Variants in UNC79 observed in about 807,000 individuals in gnomAD.
The protein encoded by UNC79 is unc-79 subunit of NALCN channel complex.
In UNC79, 37 loss-of-function variants were observed where a neutral mutation model predicts 283.1. The ratio of observed to expected loss-of-function variants is 0.13; its 90% CI spans 0.10 to 0.17. The LOEUF is 0.17. Among genes scored for constraint, UNC79 ranks in the 10% least tolerant of loss-of-function variants. UNC79 has a pLI of 1.00. For missense variants in UNC79, 2,272 were observed against 3,211.1 expected (o/e 0.71, Z 7.07); for synonymous variants, 1,107 against 1,200.2 (o/e 0.92, Z 1.61).
At chr14:93,396,666 A>G (rs1314889935) in intron 1 of UNC79, among the ~76,000 whole-genome samples, 1 of 151,946 alleles carries the variant, frequency 6.6e-6, no homozygotes, top group East Asian at 1.9e-4. Flanking sequence ...CTATGTGGCT[A>G]TTGAAGTCTC....
chr14:93,597,510 G>T (rs947648445), exon 24 of UNC79: 1 of 1,613,516 alleles, frequency 6.2e-7, no homozygotes, highest in Admixed American at 1.7e-5. Flanking sequence ...CTGGTCTCCT[G>T]CTTGACACCA....
intron 1 of UNC79, among the ~76,000 whole-genome samples, chr14:93,340,929 T>G (rs1230938537): frequency 6.6e-6 from 1 of 152,166 alleles, no homozygotes; most frequent in African/African-American, 2.4e-5. Flanking sequence ...CAGGCTACAC[T>G]TAATCTAATA....
At chr14:93,428,189 G>A (rs2055772795), upstream of UNC79, among the ~76,000 whole-genome samples, 1 of 152,062 alleles carries the variant, frequency 6.6e-6, no homozygotes, top group South Asian at 2.1e-4. Context: ...GAGAAATGGA[G>A]GCCACTTATT....
At chr14:93,493,892 TATA>T (rs1472966514) in intron 5 of UNC79, among the ~76,000 whole-genome samples, 2,545 of 73,846 alleles carry the variant, frequency 0.034, 169 homozygotes, top group Non-Finnish European at 0.05. Flanking sequence ...TATATATATA[TATA>T]TATATATTTT....
At chr14:93,440,515 A>G (rs1216550498) in intron 1 of UNC79, among the ~76,000 whole-genome samples, 1 of 146,844 alleles carries the variant, frequency 6.8e-6, no homozygotes, top group South Asian at 2.1e-4. Context: ...TAGCTTTTTG[A>G]GTTGGCTGTT....
intron 1 of UNC79, among the ~76,000 whole-genome samples, chr14:93,404,505 T>TATATATATATATATATATATAA (rs2055183695): frequency 1.0e-5 from 1 of 97,464 alleles, no homozygotes; most frequent in African/African-American, 3.8e-5. Context: ...TATATATATA[T>TATATATATATATATATATATAA]ATATATATAA....
chr14:93,384,821 G>T (rs1426365198), intron 1 of UNC79, among the ~76,000 whole-genome samples: 1 of 152,188 alleles, frequency 6.6e-6, no homozygotes, highest in Non-Finnish European at 1.5e-5. Flanking sequence ...TGAGGTCTTA[G>T]ATTTAAGTCC....
At chr14:93,505,782 A>G (rs931147921) in intron 7 of UNC79, among the ~76,000 whole-genome samples, 3 of 147,500 alleles carry the variant, frequency 2.0e-5, no homozygotes, top group African/African-American at 5.0e-5. Context: ...TCATCACCCC[A>G]TCTTTGGCTT....
chr14:93,690,745 G>C lies in UNC79; in HGVS notation c.7272+442G>C. On this transcript the variant is annotated intron_variant, in intron 45 of 48. Transcript: ENST00000555664. The surrounding 1 kb of genome is among the most constrained non-coding windows in gnomAD (Gnocchi z 4.3). ...GAAAATACAAAATGAAAACAAGAAG[G>C]CCAGTTGGGAACTCACTAAAGCACA... 1 of 164,168 alleles carries C rather than the reference G, an allele frequency of 6.1e-6. No homozygotes were observed. Among genetic ancestry groups the C allele is most frequent in the Non-Finnish European group, 1.3e-5 (1 of 75,758 alleles). The allele number at this position is 164,168 out of a possible 1,614,324, so 10.2% of individuals were successfully genotyped here. A position where few individuals can be genotyped will look rare whatever the true frequency, so the allele number is the denominator to read the frequency against.
rs1555408706 is a variant in UNC79, at chr14:93,698,476, G to GAT, written c.7548+4064_7548+4065insAT. 5.4e-3 allele frequency among the ~76,000 whole-genome samples: 430 copies of GAT among 79,098 alleles called. 17 individuals carry two copies. The highest frequency in any genetic ancestry group is 0.017 in the Middle Eastern group (2 of 120). The allele number at this position is 79,098 out of a possible 152,430, so 51.9% of individuals were successfully genotyped here. ...TGGTAATATTTTTAGTTTAGTTTAG[G>GAT]TTTTTTTTTTTTTTTTTTTTTTTTT... On this transcript the variant is annotated intron_variant, in intron 47 of 48. Coordinates refer to ENST00000555664, the Ensembl canonical transcript of UNC79.
chr14:93,699,766 T>C (rs900674868), intron 47 of UNC79, among the ~76,000 whole-genome samples: 20 of 152,168 alleles, frequency 1.3e-4, no homozygotes, highest in African/African-American at 4.6e-4. Context: ...AAATCATACA[T>C]TATTATTTTT....
At chr14:93,682,743 A>G (rs2073943564) in intron 42 of UNC79, 49 bp downstream of exon 45, 6 of 1,562,982 alleles carry the variant, frequency 3.8e-6, no homozygotes, top group African/African-American at 1.4e-5. Flanking sequence ...TTCATAGAAT[A>G]GTAGTTAAGA....
intron 1 of UNC79, among the ~76,000 whole-genome samples, chr14:93,467,081 C>T (rs549724169): frequency 2.5e-4 from 37 of 147,800 alleles, no homozygotes; most frequent in African/African-American, 9.1e-4. Context: ...ACTTAACACT[C>T]ATCATGTTAA....
At position 93,690,876 on chromosome 14, in the gene UNC79, G is replaced by C. The variant is rs2074631944; in HGVS notation, c.7272+573G>C. On this transcript the variant is annotated intron_variant, in intron 45 of 48. Coordinates refer to ENST00000555664, the Ensembl canonical transcript of UNC79. The surrounding 1 kb of genome is among the most constrained non-coding windows in gnomAD (Gnocchi z 4.3). ...AGGCACCAGTCATGAGCCTGTGCAG[G>C]CAAACCGGACACATTGGTACTAATC... The C allele has an allele frequency of 6.5e-6, 1 of 154,606 alleles. No homozygotes were observed. The highest frequency in any genetic ancestry group is 2.4e-5 in the African/African-American group (1 of 41,452). The allele number at this position is 154,606 out of a possible 1,614,324, so 9.6% of individuals were successfully genotyped here. A position where few individuals can be genotyped will look rare whatever the true frequency, so the allele number is the denominator to read the frequency against.
intron 1 of UNC79, among the ~76,000 whole-genome samples, chr14:93,393,868 T>C (rs2054934603): frequency 6.6e-6 from 1 of 152,194 alleles, no homozygotes; most frequent in African/African-American, 2.4e-5. Flanking sequence ...CTATTCTGTA[T>C]GTATGCTATT....
intron 5 of UNC79, among the ~76,000 whole-genome samples, chr14:93,493,897 A>ATTTTT (rs1427126465): frequency 1.9e-4 from 11 of 57,588 alleles, no homozygotes; most frequent in African/African-American, 3.5e-4. Context: ...ATATATATAT[A>ATTTTT]TATATTTTTT....
At chr14:93,357,762 TATATATGG>T (rs2054126425) in intron 1 of UNC79, among the ~76,000 whole-genome samples, 1 of 127,020 alleles carries the variant, frequency 7.9e-6, no homozygotes, top group Non-Finnish European at 1.6e-5. Flanking sequence ...TATGGATATA[TATATATGG>T]ATATGTGGAT....
chr14:93,368,144 A>G (rs959415593), intron 1 of UNC79, among the ~76,000 whole-genome samples: 2 of 152,174 alleles, frequency 1.3e-5, no homozygotes, highest in African/African-American at 4.8e-5. Context: ...TGCATGAATT[A>G]GATATTGCCT....
At chr14:93,440,662 A>G (rs564671064) in intron 1 of UNC79, among the ~76,000 whole-genome samples, 1 of 152,032 alleles carries the variant, frequency 6.6e-6, no homozygotes, top group South Asian at 2.1e-4. Context: ...GAAATTCTGC[A>G]ATTGAATTTT....
Sources: gnomAD v4.1 joint callset for allele counts (sites outside exome capture counted in the v4.1 genomes callset) on GRCh38, gnomAD v4.1.1 for gene constraint, Gnocchi (gnomAD v3.1) non-coding constraint, MANE v1.5 for transcripts, NCBI Gene and HGNC (gene_info 2026-07-23, HGNC 2026-07-21) for gene names.